Variants in RSPO2 observed in about 807,000 individuals in gnomAD.
RSPO2 encodes the protein R-spondin-2.
In RSPO2, 14 loss-of-function variants were observed where a neutral mutation model predicts 30.9. The observed-to-expected ratio is 0.45, with a 90% CI of 0.30 to 0.71. RSPO2 has a LOEUF of 0.71. Ranked by LOEUF, RSPO2 falls within the 30% of genes least tolerant of loss-of-function variation. The pLI is 0.08. For missense variants in RSPO2, 264 were observed against 301.9 expected, an observed-to-expected ratio of 0.87 and a Z score of 0.93; for synonymous variants, 107 against 96.4, an observed-to-expected ratio of 1.11 and a Z score of -0.64.
chr8:107,999,549 C>G (rs567374359), intron 2 of RSPO2, among the ~76,000 whole-genome samples: 1 of 152,118 alleles, frequency 6.6e-6, no homozygotes, highest in South Asian at 2.1e-4. Flanking sequence ...ATTCTCGTGC[C>G]TCAGCCTCCC....
intron 5 of RSPO2, among the ~76,000 whole-genome samples, chr8:107,949,160 C>G (rs974939812): frequency 6.6e-6 from 1 of 151,970 alleles, no homozygotes. Flanking sequence ...TTATCCCTCA[C>G]CCCCTTCCCC....
chr8:108,022,921 C>CAAAAAA (rs35195076), intron 2 of RSPO2, among the ~76,000 whole-genome samples: 1 of 93,984 alleles, frequency 1.1e-5, no homozygotes, highest in African/African-American at 4.2e-5. Flanking sequence ...ACAAAACTGT[C>CAAAAAA]AAAAAAAAAA....
intron 5 of RSPO2, among the ~76,000 whole-genome samples, chr8:107,914,232 C>A (rs1256396382): frequency 1.3e-5 from 2 of 151,988 alleles, no homozygotes; most frequent in Non-Finnish European, 2.9e-5. Context: ...TTGGTGAGTG[C>A]CTTTGAGTTG....
At chr8:108,063,396 A>C (rs200069019) in intron 2 of RSPO2, among the ~76,000 whole-genome samples, 14 of 151,864 alleles carry the variant, frequency 9.2e-5, no homozygotes, top group South Asian at 6.2e-4. Flanking sequence ...AACAGACAAA[A>C]AGAGAGCCAA....
intron 2 of RSPO2, among the ~76,000 whole-genome samples, chr8:108,061,394 G>A (rs36157735): frequency 0.05 from 7,608 of 151,736 alleles, 505 homozygotes; most frequent in African/African-American, 0.13. Flanking sequence ...CCTAGTCTCT[G>A]ATAAAACAGA....
chr8:107,988,919 C>T (rs1814744485), intron 3 of RSPO2, 137 bp downstream of exon 3: 1 of 786,632 alleles, frequency 1.3e-6, no homozygotes, highest in Non-Finnish European at 1.9e-6. Flanking sequence ...TGACCCACCA[C>T]ACCCAGCAAG....
At chr8:107,973,558 ACACAG>A (rs898146920) in intron 3 of RSPO2, among the ~76,000 whole-genome samples, 2 of 150,372 alleles carry the variant, frequency 1.3e-5, no homozygotes, top group African/African-American at 5.0e-5. Context: ...ACACACACAC[ACACAG>A]AACAAGCAAA....
chr8:108,069,858 G>A (rs1483413791), intron 2 of RSPO2, among the ~76,000 whole-genome samples: 1 of 152,134 alleles, frequency 6.6e-6, no homozygotes, highest in Admixed American at 6.5e-5. Context: ...TTGTCTGAAC[G>A]GGTTTTTAAG....
At chr8:107,959,359 T>G (rs1407208664) in intron 4 of RSPO2, among the ~76,000 whole-genome samples, 1 of 152,088 alleles carries the variant, frequency 6.6e-6, no homozygotes, top group African/African-American at 2.4e-5. Flanking sequence ...GTCCACATAG[T>G]GGAAAATAGG....
At chr8:107,934,133 TGTC>T (rs1563527505) in intron 5 of RSPO2, among the ~76,000 whole-genome samples, 1 of 152,190 alleles carries the variant, frequency 6.6e-6, no homozygotes, top group Non-Finnish European at 1.5e-5. Flanking sequence ...TCTGGCAAGA[TGTC>T]GTAAGGCTAG....
intron 5 of RSPO2, among the ~76,000 whole-genome samples, chr8:107,952,801 G>T (rs1055842177): frequency 2.6e-5 from 4 of 152,092 alleles, no homozygotes; most frequent in Non-Finnish European, 5.9e-5. Context: ...AAAAACATAG[G>T]TTTGGAGAAG....
chr8:108,066,757 G>C (rs1171774147), intron 2 of RSPO2, among the ~76,000 whole-genome samples: 1 of 151,824 alleles, frequency 6.6e-6, no homozygotes, highest in Non-Finnish European at 1.5e-5. Context: ...AATGTGGTAA[G>C]AATTAGAAAA....
At chr8:108,054,850 A>G (rs2440387) in intron 2 of RSPO2, among the ~76,000 whole-genome samples, 75,070 of 152,038 alleles carry the variant, frequency 0.49, 18,521 homozygotes, top group African/African-American at 0.54. Flanking sequence ...AGGGTGGCTC[A>G]TGCCTCTAAT....
intron 2 of RSPO2, among the ~76,000 whole-genome samples, chr8:108,007,683 T>TA (rs1467162970): frequency 6.6e-6 from 1 of 152,216 alleles, no homozygotes; most frequent in African/African-American, 2.4e-5. Context: ...TCTTCATTTT[T>TA]ATTCATAGTA....
intron 2 of RSPO2, among the ~76,000 whole-genome samples, chr8:108,057,118 T>C (rs532764211): frequency 3.2e-5 from 4 of 126,426 alleles, no homozygotes; most frequent in South Asian, 2.7e-4. Context: ...AGGTTATTGA[T>C]AGCATATTAA....
At chr8:108,042,864 C>A (rs1811798871) in intron 2 of RSPO2, among the ~76,000 whole-genome samples, 1 of 152,104 alleles carries the variant, frequency 6.6e-6, no homozygotes, top group South Asian at 2.1e-4. Flanking sequence ...ACCCTCCTTC[C>A]TTCACATGAT....
intron 2 of RSPO2, among the ~76,000 whole-genome samples, chr8:108,017,433 G>C (rs1342671513): frequency 1.3e-5 from 2 of 152,218 alleles, no homozygotes; most frequent in Non-Finnish European, 2.9e-5. Flanking sequence ...ATGGGGAAAA[G>C]AAGTGGGCTC....
intron 2 of RSPO2, among the ~76,000 whole-genome samples, chr8:108,035,027 T>C (rs1167357902): frequency 1.3e-5 from 2 of 152,210 alleles, no homozygotes; most frequent in Admixed American, 6.5e-5. Context: ...TCCAGGGAAA[T>C]ACATCTTCCA....
At chr8:107,904,956 C>T (rs926159134) in intron 5 of RSPO2, among the ~76,000 whole-genome samples, 9 of 152,104 alleles carry the variant, frequency 5.9e-5, no homozygotes, top group African/African-American at 1.9e-4. Context: ...AACTCTTCTG[C>T]AGAGAAATAT....
Sources: gnomAD v4.1 joint callset for allele counts (sites outside exome capture counted in the v4.1 genomes callset) on GRCh38, gnomAD v4.1.1 for gene constraint, MANE v1.5 for transcripts, NCBI Gene and HGNC (gene_info 2026-07-23, HGNC 2026-07-21) for gene names.